The following LRMDA variants were observed in gnomAD, a reference collection of about 807,000 sequenced individuals.
LRMDA encodes the protein leucine rich melanocyte differentiation associated, also known as leucine-rich melanocyte differentiation-associated protein.
A neutral mutation model predicts 29.8 loss-of-function variants in LRMDA; 18 were observed. The ratio of observed to expected loss-of-function variants is 0.60; its 90% CI spans 0.42 to 0.90. LRMDA has a LOEUF of 0.90. Among genes scored for constraint, LRMDA ranks in the 40% least tolerant of loss-of-function variants. LRMDA has a pLI of 0.00. For missense variants in LRMDA, 273 were observed against 273.9 expected (o/e 1.00, Z 0.02); for synonymous variants, 125 against 109.4 (o/e 1.14, Z -0.89).
At chr10:75,588,925 C>A (rs1840688109) in intron 2 of LRMDA, among the ~76,000 whole-genome samples, 1 of 150,922 alleles carries the variant, frequency 6.6e-6, no homozygotes, top group African/African-American at 2.5e-5. Flanking sequence ...TCCCATTCCA[C>A]ACATAGAGAG....
chr10:75,672,476 C>T (rs534852505), intron 2 of LRMDA, among the ~76,000 whole-genome samples: 20 of 140,074 alleles, frequency 1.4e-4, no homozygotes, highest in African/African-American at 5.1e-4. Context: ...ATTGGGACCT[C>T]CTGTTCCTCT....
chr10:76,042,791 A>AT (rs1159570191), intron 3 of LRMDA, among the ~76,000 whole-genome samples: 1 of 152,118 alleles, frequency 6.6e-6, no homozygotes, highest in East Asian at 1.9e-4. Context: ...TCGAAAATTG[A>AT]TTTTTTAAAA....
At chr10:76,447,053 CTT>C (rs56294340) in intron 6 of LRMDA, among the ~76,000 whole-genome samples, 4 of 146,002 alleles carry the variant, frequency 2.7e-5, no homozygotes, top group Non-Finnish European at 3.0e-5. Flanking sequence ...TGATTTCTTT[CTT>C]TTTTTTTTTT....
chr10:76,327,623 C>T (rs548022054), intron 6 of LRMDA, among the ~76,000 whole-genome samples: 6 of 152,292 alleles, frequency 3.9e-5, no homozygotes, highest in Admixed American at 1.3e-4. Flanking sequence ...ACCTAAATGG[C>T]GCTCCACATA....
chr10:76,486,136 C>T (rs1842780241), intron 6 of LRMDA, among the ~76,000 whole-genome samples: 1 of 151,928 alleles, frequency 6.6e-6, no homozygotes, highest in African/African-American at 2.4e-5. Flanking sequence ...CCAGAAGTGA[C>T]ATTTTTAATA....
chr10:75,555,262 T>A (rs1589181394), intron 2 of LRMDA, among the ~76,000 whole-genome samples: 1 of 152,132 alleles, frequency 6.6e-6, no homozygotes, highest in African/African-American at 2.4e-5. Flanking sequence ...AGGCTTAGGG[T>A]GAATTTCTCA....
intron 2 of LRMDA, among the ~76,000 whole-genome samples, chr10:75,587,374 C>G (rs1177346050): frequency 1.3e-5 from 2 of 151,776 alleles, no homozygotes; most frequent in South Asian, 2.1e-4. Context: ...TTCAGGGAAC[C>G]TATTGAGTAT....
At chr10:75,962,559 A>G (rs923755002) in intron 2 of LRMDA, among the ~76,000 whole-genome samples, 1 of 152,246 alleles carries the variant, frequency 6.6e-6, no homozygotes, top group African/African-American at 2.4e-5. Flanking sequence ...ATGTGTGCAC[A>G]GGAGTTCACT....
intron 2 of LRMDA, among the ~76,000 whole-genome samples, chr10:75,750,196 TG>T (rs1842938976): frequency 1.4e-5 from 2 of 140,996 alleles, no homozygotes; most frequent in African/African-American, 5.2e-5. Flanking sequence ...ACTTCCCAGA[TG>T]GGGTGGTCGG....
At chr10:76,270,806 T>G (rs1344348123) in intron 5 of LRMDA, 1 of 152,120 alleles carries the variant, frequency 6.6e-6, no homozygotes, top group African/African-American at 2.4e-5. Flanking sequence ...GAGCTTTAAT[T>G]AAATCAATGC....
chr10:76,232,224 A>G (rs755949529), intron 5 of LRMDA, among the ~76,000 whole-genome samples: 15 of 152,364 alleles, frequency 9.8e-5, no homozygotes, highest in South Asian at 6.2e-4. Flanking sequence ...CAATAATAAC[A>G]TAATCATTTA....
intron 2 of LRMDA, among the ~76,000 whole-genome samples, chr10:75,792,477 C>T (rs1027096787): frequency 5.3e-5 from 8 of 152,164 alleles, no homozygotes; most frequent in African/African-American, 1.9e-4. Flanking sequence ...GATGTCCAGG[C>T]TGGTCTCGAT....
intron 5 of LRMDA, among the ~76,000 whole-genome samples, chr10:76,268,025 G>T (rs1268447635): frequency 2.0e-5 from 3 of 152,060 alleles, no homozygotes; most frequent in African/African-American, 4.8e-5. Flanking sequence ...TTCTACCTCA[G>T]CCACATATAG....
intron 2 of LRMDA, among the ~76,000 whole-genome samples, chr10:75,920,814 C>G (rs1440076714): frequency 6.6e-6 from 1 of 152,182 alleles, no homozygotes; most frequent in Non-Finnish European, 1.5e-5. Flanking sequence ...TGCTGCACCC[C>G]CAGGAAGTAC....
chr10:75,759,600 G>A (rs138977592), intron 2 of LRMDA, among the ~76,000 whole-genome samples: 1 of 152,280 alleles, frequency 6.6e-6, no homozygotes, highest in East Asian at 1.9e-4. Context: ...GAGAGGAGGA[G>A]TGCTAATGAA....
intron 6 of LRMDA, among the ~76,000 whole-genome samples, chr10:76,442,084 C>A (rs915043448): frequency 4.6e-5 from 7 of 152,092 alleles, no homozygotes; most frequent in Admixed American, 1.3e-4. Flanking sequence ...TGATGAAAAC[C>A]CTCATAATCA....
At chr10:75,453,605 T>C (rs1844483741) in intron 2 of LRMDA, among the ~76,000 whole-genome samples, 1 of 152,228 alleles carries the variant, frequency 6.6e-6, no homozygotes, top group African/African-American at 2.4e-5. Flanking sequence ...TTGAGGTGCT[T>C]TGTTCCTCAA....
intron 2 of LRMDA, among the ~76,000 whole-genome samples, chr10:75,920,035 C>A (rs1846001341): frequency 6.6e-6 from 1 of 152,010 alleles, no homozygotes; most frequent in African/African-American, 2.4e-5. Context: ...GAGCTTAGTC[C>A]AGTTTTTCAG....
intron 2 of LRMDA, among the ~76,000 whole-genome samples, chr10:75,454,882 G>C (rs1844498451): frequency 6.6e-6 from 1 of 152,228 alleles, no homozygotes; most frequent in Non-Finnish European, 1.5e-5. Context: ...CTTTCGTCAA[G>C]TGCTCTGCCT....
Sources: allele counts gnomAD v4.1 joint callset (sites outside exome capture counted in the v4.1 genomes callset), GRCh38; gene constraint gnomAD v4.1.1; transcripts MANE v1.5; gene names NCBI Gene and HGNC (gene_info 2026-07-23, HGNC 2026-07-21).